The following PLGRKT variants were observed in gnomAD, a reference collection of about 807,000 sequenced individuals.
PLGRKT encodes the protein plasminogen receptor with a C-terminal lysine, also known as plasminogen receptor (KT).
PLGRKT carries 22 observed loss-of-function variants against 18.5 expected under a neutral mutation model. The observed-to-expected ratio is 1.19, with a 90% CI of 0.85 to 1.70. The LOEUF is 1.70. PLGRKT is among the 40% of genes most tolerant of loss of function. The probability of loss-of-function intolerance (pLI) is 0.00; values close to 1 mark genes in which losing one functional copy is unlikely to be tolerated. For missense variants in PLGRKT, 235 were observed against 174.4 expected (o/e 1.35, Z -1.96); for synonymous variants, 72 against 52.8 (o/e 1.36, Z -1.58).
At chr9:5,416,874 T>C (rs1818471855) in intron 3 of PLGRKT, among the ~76,000 whole-genome samples, 1 of 152,246 alleles carries the variant, frequency 6.6e-6, no homozygotes, top group Non-Finnish European at 1.5e-5. Context: ...TATTAACTGT[T>C]CTACTTTCAC....
chr9:5,372,132 C>T (rs1054314675), intron 3 of PLGRKT, among the ~76,000 whole-genome samples: 1 of 151,800 alleles, frequency 6.6e-6, no homozygotes, highest in African/African-American at 2.4e-5. Context: ...CAGGCACACA[C>T]CACCACGCCC....
At chr9:5,361,031 T>A in intron 5 of PLGRKT, 47 bp downstream of exon 5, 1 of 998,822 alleles carries the variant, frequency 1.0e-6, no homozygotes, top group East Asian at 2.4e-5. Context: ...ATCCTTGAAA[T>A]GGAAAATAAA....
At chr9:5,381,508 C>T (rs1487392837) in intron 3 of PLGRKT, among the ~76,000 whole-genome samples, 1 of 152,262 alleles carries the variant, frequency 6.6e-6, no homozygotes, top group African/African-American at 2.4e-5. Context: ...GAACCTCCAC[C>T]TCAGTTTCAG....
At chr9:5,391,471 TG>T (rs1403869612) in intron 3 of PLGRKT, among the ~76,000 whole-genome samples, 1 of 151,998 alleles carries the variant, frequency 6.6e-6, no homozygotes, top group East Asian at 1.9e-4. Flanking sequence ...GTTTGTTACA[TG>T]TAATGAGCTG....
chr9:5,379,119 A>C (rs1411722797), intron 3 of PLGRKT, among the ~76,000 whole-genome samples: 1 of 152,190 alleles, frequency 6.6e-6, no homozygotes, highest in African/African-American at 2.4e-5. Flanking sequence ...TTCTAATCAG[A>C]ATCAGCAGAA....
rs1187957927 is a variant in PLGRKT at position 5,377,383 on chromosome 9, TTA to T, written c.82-15497_82-15496del. On this transcript the variant is annotated intron_variant, in intron 3 of 5. Transcript: ENST00000223864. ...AATCTTTTATTTATTAGTTCACTCA[TTA>T]TACTAAAAAATACATTAAAAAGGAA... is the stretch of plus-strand genomic sequence containing the variant. 3.9e-5 allele frequency among the ~76,000 whole-genome samples: 6 copies of T among 152,192 alleles called. No homozygotes were observed. The East Asian group carries it at 9.6e-4, about 24-fold the overall frequency.
chr9:5,361,935 C>G (rs1817276591), intron 3 of PLGRKT, 47 bp from the exon 4 acceptor site: 2 of 1,557,522 alleles, frequency 1.3e-6, no homozygotes, highest in Non-Finnish European at 8.8e-7. Context: ...TCTTTGGAAT[C>G]TGAACAAATA....
At chr9:5,401,122 T>C (rs1352823554) in intron 3 of PLGRKT, among the ~76,000 whole-genome samples, 1 of 151,904 alleles carries the variant, frequency 6.6e-6, no homozygotes. Context: ...CCGGGACAGG[T>C]GGCCAATAGG....
At chr9:5,372,144 G>C (rs1008552952) in intron 3 of PLGRKT, among the ~76,000 whole-genome samples, 7 of 151,774 alleles carry the variant, frequency 4.6e-5, no homozygotes, top group Admixed American at 4.6e-4. Flanking sequence ...ACCACGCCCA[G>C]CTAATTTTTG....
chr9:5,359,175 A>G (rs2131051386), intron 5 of PLGRKT, among the ~76,000 whole-genome samples: 1 of 151,426 alleles, frequency 6.6e-6, no homozygotes, highest in African/African-American at 2.4e-5. Flanking sequence ...TGATTCTTGT[A>G]CCTCAGCCTC....
intron 3 of PLGRKT, among the ~76,000 whole-genome samples, chr9:5,366,182 G>A (rs980191121): frequency 3.9e-4 from 60 of 151,978 alleles, no homozygotes; most frequent in African/African-American, 1.4e-3. Context: ...ACCATAAAGG[G>A]ATAAATGAAT....
chr9:5,398,856 T>A (rs1395718111), intron 3 of PLGRKT, among the ~76,000 whole-genome samples: 2 of 151,862 alleles, frequency 1.3e-5, no homozygotes, highest in Non-Finnish European at 2.9e-5. Flanking sequence ...TGTATTATTT[T>A]GAGCTAAAAG....
At chr9:5,433,765 C>T (rs1460348696) in intron 2 of PLGRKT, among the ~76,000 whole-genome samples, 8 of 141,424 alleles carry the variant, frequency 5.7e-5, no homozygotes, top group Non-Finnish European at 9.2e-5. Context: ...CCGGCTGCCC[C>T]GTCTGGGATG....
chr9:5,420,304 G>T lies in PLGRKT; in HGVS notation c.81+11593C>A, dbSNP rs533414135. ...CAGGGTTTCCTTTTGGAGTGATGAA[G>T]TGTTACAGAATTAAATAGTGGTGAC... On this transcript the variant is annotated intron_variant, in intron 3 of 5. Coordinates refer to ENST00000223864, the MANE Select transcript of PLGRKT (RefSeq NM_018465.4). 4.6e-5 allele frequency among the ~76,000 whole-genome samples: 7 copies of T among 152,304 alleles called. No individual in the cohort carries two copies. The South Asian group carries it at 1.4e-3, about 32-fold the overall frequency.
rs369881605 is a variant in PLGRKT at position 5,387,672 on chromosome 9, G to C, written c.82-25784C>G. Among the ~76,000 whole-genome samples, 86 of 151,904 alleles carry C rather than the reference G, an allele frequency of 5.7e-4. 3 individuals are homozygous for C. Among genetic ancestry groups the C allele is most frequent in the African/African-American group, 1.9e-3 (78 of 41,208 alleles). ...AGAGGCGGGAGGAAGCCTCCTGCGG[G>C]GGGGCTGGGAATGATCTATCTTTTG... On this transcript the variant is annotated intron_variant, in intron 3 of 5. Transcript: ENST00000223864.
intron 3 of PLGRKT, among the ~76,000 whole-genome samples, chr9:5,398,623 C>T (rs1818097824): frequency 6.6e-6 from 1 of 151,740 alleles, no homozygotes; most frequent in African/African-American, 2.4e-5. Flanking sequence ...TTCTCCACTG[C>T]ACCCCAACCC....
intron 3 of PLGRKT, among the ~76,000 whole-genome samples, chr9:5,390,321 C>T (rs1234486269): frequency 2.0e-5 from 3 of 151,544 alleles, no homozygotes; most frequent in Non-Finnish European, 4.4e-5. Context: ...AAGACCTAGA[C>T]ATGTGACACT....
rs568542276 is a variant in PLGRKT at position 5,422,749 on chromosome 9, G to A, written c.81+9148C>T. Reference sequence around the variant, plus strand: ...AAATATTACAGGTAAATAGAAATTTGCCTTAAAGTATATTCCAACAAAAAG... The same window carrying A: ...AAATATTACAGGTAAATAGAAATTTACCTTAAAGTATATTCCAACAAAAAG... On this transcript the variant is annotated intron_variant, in intron 3 of 5. Transcript: ENST00000223864. Among the ~76,000 whole-genome samples the A allele has an allele frequency of 3.6e-3, 544 of 152,224 alleles. 2 individuals are homozygous for A. Among genetic ancestry groups the A allele is most frequent in the Non-Finnish European group, 4.8e-3 (328 of 68,012 alleles).
At chr9:5,392,052 G>T (rs369605923) in intron 3 of PLGRKT, among the ~76,000 whole-genome samples, 2 of 151,916 alleles carry the variant, frequency 1.3e-5, no homozygotes, top group Non-Finnish European at 2.9e-5. Flanking sequence ...GAGACCTAGA[G>T]GGGGAAAGTG....
Sources: gnomAD v4.1 joint callset for allele counts (sites outside exome capture counted in the v4.1 genomes callset) on GRCh38, gnomAD v4.1.1 for gene constraint, MANE v1.5 for transcripts, NCBI Gene and HGNC (gene_info 2026-07-23, HGNC 2026-07-21) for gene names.